ZGRF1: variants seen among roughly 807,000 people sequenced by gnomAD.
ZGRF1 encodes zinc finger GRF-type containing 1.
A neutral mutation model predicts 203.5 loss-of-function variants in ZGRF1; 196 were observed. That is an observed-to-expected ratio of 0.96 (90% confidence interval 0.86 to 1.08). The LOEUF is 1.08. Ranked by LOEUF, ZGRF1 falls within the 50% of genes least tolerant of loss-of-function variation. The pLI is 0.00. For missense variants in ZGRF1, 2,326 were observed against 2,416.3 expected, an observed-to-expected ratio of 0.96 and a Z score of 0.78; for synonymous variants, 809 against 841.3, an observed-to-expected ratio of 0.96 and a Z score of 0.66.
intron 5 of ZGRF1, 32 bp from the exon 6 acceptor site, chr4:112,619,722 C>T (rs1298161657): frequency 3.4e-6 from 5 of 1,453,666 alleles, no homozygotes; most frequent in Non-Finnish European, 4.6e-6. Flanking sequence ...TTAGGTGTAC[C>T]ATTACCCATT....
rs1471696841 is a variant in ZGRF1, at chr4:112,577,279, C to T, written c.4438+4384G>A. ...GCCCTAAAAGAGCTCCTGAAGGAAG[C>T]GCTAAACATGGAAAGGAATAACTGG... is the stretch of plus-strand genomic sequence containing the variant. On this transcript the variant is annotated intron_variant, in intron 16 of 27. Coordinates refer to ENST00000505019, the MANE Select transcript of ZGRF1 (RefSeq NM_018392.5). 9.8e-5 allele frequency among the ~76,000 whole-genome samples: 12 copies of T among 122,286 alleles called. 3 individuals carry two copies. The highest frequency in any genetic ancestry group is 4.8e-4 in the East Asian group (2 of 4,206). The allele number at this position is 122,286 out of a possible 152,430, so 80.2% of individuals were successfully genotyped here.
intron 10 of ZGRF1, among the ~76,000 whole-genome samples, chr4:112,596,593 AT>A (rs200855606): frequency 3.6e-4 from 53 of 147,558 alleles, no homozygotes; most frequent in Admixed American, 6.1e-4. Flanking sequence ...GAATATCAGG[AT>A]TTTTTTTTTT....
chr4:112,632,241 G>A (rs2047435384), intron 2 of ZGRF1, among the ~76,000 whole-genome samples: 1 of 151,964 alleles, frequency 6.6e-6, no homozygotes, highest in Non-Finnish European at 1.5e-5. Context: ...AGAGAGAGAA[G>A]GAGAGGGAGG....
intron 11 of ZGRF1, among the ~76,000 whole-genome samples, chr4:112,588,168 C>T (rs1205403598): frequency 1.3e-5 from 2 of 151,972 alleles, no homozygotes; most frequent in Non-Finnish European, 2.9e-5. Context: ...TTTTTCTTCT[C>T]CTCCTTTTTT....
chr4:112,589,823 A>G lies in ZGRF1; in HGVS notation c.3028T>C (p.Ser1010Pro), dbSNP rs1260404114. 3 of 1,613,180 alleles carry G rather than the reference A, an allele frequency of 1.9e-6. No homozygotes were observed. Among genetic ancestry groups the G allele is most frequent in the Admixed American group, 3.3e-5 (2 of 59,950 alleles). The change falls in exon 11 of 28, where the codon TCT becomes CCT. Residue 1010 changes from serine (S) to proline (P), a missense_variant. Transcript: ENST00000505019. ...AAGTCTTCATCTCTTGAGTTCAAAG[A>G]AAAGGTAGAAACAGGGCTCAATGTA... is the stretch of plus-strand genomic sequence containing the variant. Reference protein sequence around the residue: ...ISTLSPVSTFSLNSRDEDFMV... With the variant: ...ISTLSPVSTFPLNSRDEDFMV...
Position 112,603,767 on chromosome 4 carries a change from C to T in ZGRF1, c.2803-70G>A. The stretch of plus-strand genomic sequence containing the variant: ...GACATATATATTCACAAAGTAAACA[C>T]ACAGAATACAATACATAATTCAGCT... On this transcript the variant is annotated intron_variant, in intron 9 of 27. Coordinates refer to ENST00000505019, the MANE Select transcript of ZGRF1 (RefSeq NM_018392.5). The T allele has an allele frequency of 3.4e-6, 4 of 1,176,398 alleles. No individual in the cohort carries two copies. In the South Asian group the frequency reaches 5.9e-5, roughly 17 times the overall value. 72.9% of individuals were successfully genotyped at this position (1,176,398 alleles called of 1,614,324 possible).
chr4:112,597,078 G>T (rs930480585), intron 10 of ZGRF1, among the ~76,000 whole-genome samples: 4 of 151,896 alleles, frequency 2.6e-5, no homozygotes, highest in Admixed American at 6.6e-5. Flanking sequence ...GCCAGGTGTG[G>T]TGGTGCACGC....
intron 10 of ZGRF1, among the ~76,000 whole-genome samples, chr4:112,593,425 A>C (rs913661067): frequency 4.6e-5 from 7 of 152,214 alleles, no homozygotes; most frequent in Non-Finnish European, 1.0e-4. Context: ...TCTATATAGC[A>C]GCCAGCAAAA....
At chr4:112,558,356 A>C (rs1051950113) in intron 19 of ZGRF1, 47 bp from the exon 20 acceptor site, 1 of 1,390,074 alleles carries the variant, frequency 7.2e-7, no homozygotes, top group Non-Finnish European at 9.4e-7. Context: ...AAAATAAATA[A>C]ATTTCTTTTT....
At chr4:112,556,212 G>A (rs1740915091) in intron 20 of ZGRF1, among the ~76,000 whole-genome samples, 1 of 152,038 alleles carries the variant, frequency 6.6e-6, no homozygotes, top group African/African-American at 2.4e-5. Context: ...TTTTATTCTA[G>A]ACTTAGGATT....
Position 112,612,525 on chromosome 4 carries a change from T to C in ZGRF1, c.2666A>G (p.Gln889Arg). ...KSPHLHKDSQ[Q>R]ILKEDEVELS... is the part of the protein sequence containing the mutation. The stretch of plus-strand genomic sequence containing the variant: ...TACTCTTAGAAAAAAAACCTGTACC[T>C]GTTGAGAATCCTTGTGCAGATGAGG... Residue 889 changes from glutamine to arginine, a missense_variant and splice_region_variant, in exon 7 of 28, where the codon CAG (glutamine) becomes CGG (arginine). Gln to Arg is a conservative substitution (Grantham distance 43, BLOSUM62 1). Coordinates refer to ENST00000505019, the MANE Select transcript of ZGRF1 (RefSeq NM_018392.5). 1 of 1,593,190 alleles carries C rather than the reference T, an allele frequency of 6.3e-7. No homozygotes were observed. Among genetic ancestry groups the C allele is most frequent in the Non-Finnish European group, 8.6e-7 (1 of 1,165,228 alleles).
intron 24 of ZGRF1, among the ~76,000 whole-genome samples, chr4:112,541,807 G>A (rs747343243): frequency 3.6e-4 from 54 of 152,000 alleles, no homozygotes; most frequent in African/African-American, 8.5e-4. Flanking sequence ...GATTACAGGC[G>A]TGAGCCACCA....
At chr4:112,622,871 T>C (rs939916583) in intron 4 of ZGRF1, among the ~76,000 whole-genome samples, 8 of 152,200 alleles carry the variant, frequency 5.3e-5, no homozygotes, top group Admixed American at 1.3e-4. Context: ...GTTTGTTATA[T>C]AGGTAAACCC....
intron 16 of ZGRF1, among the ~76,000 whole-genome samples, chr4:112,572,412 C>A (rs916050325): frequency 6.6e-6 from 1 of 152,044 alleles, no homozygotes; most frequent in Admixed American, 6.6e-5. Flanking sequence ...AAACATGGAT[C>A]GAGGATTTAA....
chr4:112,601,926 C>T (rs1350993157), intron 10 of ZGRF1, among the ~76,000 whole-genome samples: 1 of 151,966 alleles, frequency 6.6e-6, no homozygotes, highest in Non-Finnish European at 1.5e-5. Context: ...AGGAAGAGGC[C>T]AGGCATGGTG....
intron 1 of ZGRF1, among the ~76,000 whole-genome samples, chr4:112,634,604 T>C (rs1194818541): frequency 6.6e-6 from 1 of 150,928 alleles, no homozygotes; most frequent in Non-Finnish European, 1.5e-5. Context: ...TGAGCCGAGA[T>C]CACGCCACTG....
At chr4:112,571,584 A>T (rs747492934) in intron 16 of ZGRF1, among the ~76,000 whole-genome samples, 6 of 151,910 alleles carry the variant, frequency 3.9e-5, no homozygotes, top group Non-Finnish European at 5.9e-5. Flanking sequence ...AGGTCTCACT[A>T]TGTTGCCCAG....
Position 112,586,448 on chromosome 4 carries a change from T to C in ZGRF1, c.3913A>G (p.Ile1305Val), listed in dbSNP as rs1747200178. Residue 1305 changes from isoleucine (I) to valine (V), a missense_variant, in exon 13 of 28, where the codon ATA becomes GTA. Physicochemically the swap from Ile to Val is conservative, Grantham distance 29 (BLOSUM62 3). Coordinates refer to ENST00000505019, the MANE Select transcript of ZGRF1 (RefSeq NM_018392.5). ...HYKQTFTSCL[I>V]EHLNILLFGL... ...AATAAAAACACAACAGCCATACCTA[T>C]GAGGCAAGATGTGAAAGTCTGCTTA... The C allele has an allele frequency of 6.2e-7, 1 of 1,607,042 alleles. No individual in the cohort carries two copies. The highest frequency in any genetic ancestry group is 8.5e-7 in the Non-Finnish European group (1 of 1,176,128).
intron 22 of ZGRF1, among the ~76,000 whole-genome samples, chr4:112,550,338 G>C (rs564716572): frequency 2.8e-4 from 42 of 151,504 alleles, no homozygotes; most frequent in African/African-American, 9.4e-4. Flanking sequence ...AGTTTTAAAG[G>C]TAAAAAAAGA....
Sources: gnomAD v4.1 joint callset for allele counts (sites outside exome capture counted in the v4.1 genomes callset) on GRCh38, gnomAD v4.1.1 for gene constraint, MANE v1.5 for transcripts, NCBI Gene and HGNC (gene_info 2026-07-23, HGNC 2026-07-21) for gene names.